PRKN: variants seen among roughly 807,000 people sequenced by gnomAD.
The protein encoded by PRKN is E3 ubiquitin-protein ligase parkin.
PRKN carries 56 observed loss-of-function variants against 59.5 expected under a neutral mutation model. The observed-to-expected ratio is 0.94, with a 90% CI of 0.76 to 1.18. PRKN has a LOEUF of 1.18. Among genes scored for constraint, PRKN ranks in the 50% most tolerant of loss-of-function variants. PRKN has a pLI of 0.00. For synonymous variants in PRKN, 250 were observed against 222.1 expected (o/e 1.13, Z -1.12); for missense variants, 657 against 596.4 (o/e 1.10, Z -1.06).
intron 5 of PRKN, among the ~76,000 whole-genome samples, chr6:162,036,208 C>G (rs1280493773): frequency 6.6e-6 from 1 of 151,508 alleles, no homozygotes; most frequent in Admixed American, 6.6e-5. Flanking sequence ...CCTGTAGTCC[C>G]AGCTACTCGG....
At chr6:162,215,968 G>A (rs1485366696) in intron 3 of PRKN, among the ~76,000 whole-genome samples, 1 of 151,960 alleles carries the variant, frequency 6.6e-6, no homozygotes, top group Non-Finnish European at 1.5e-5. Context: ...GCTTGAACCG[G>A]GACCCGGGAG....
At chr6:161,591,275 C>T (rs6940957) in intron 7 of PRKN, among the ~76,000 whole-genome samples, 107,062 of 152,066 alleles carry the variant, frequency 0.7, 39,092 homozygotes, top group African/African-American at 0.91. Flanking sequence ...TCTAAAATTA[C>T]GTCAAAATTA....
intron 7 of PRKN, among the ~76,000 whole-genome samples, chr6:161,681,921 C>A (rs1350401540): frequency 1.3e-5 from 2 of 152,278 alleles, no homozygotes; most frequent in South Asian, 2.1e-4. Flanking sequence ...GAGCAAAGGG[C>A]TCCTGCAGAT....
At chr6:162,706,450 A>G (rs1210887134) in intron 1 of PRKN, among the ~76,000 whole-genome samples, 1 of 152,238 alleles carries the variant, frequency 6.6e-6, no homozygotes, top group East Asian at 1.9e-4. Flanking sequence ...CTGCTATTTT[A>G]GCCTCTAAAC....
intron 1 of PRKN, among the ~76,000 whole-genome samples, chr6:162,580,632 A>C (rs1780755094): frequency 6.6e-6 from 1 of 152,090 alleles, no homozygotes; most frequent in East Asian, 1.9e-4. Context: ...AAAATATTTT[A>C]TGAAATTCAT....
At chr6:162,383,180 A>C (rs1227487023) in intron 2 of PRKN, among the ~76,000 whole-genome samples, 1 of 152,190 alleles carries the variant, frequency 6.6e-6, no homozygotes, top group Non-Finnish European at 1.5e-5. Context: ...AAATTTTCTT[A>C]ATGACATCTA....
chr6:162,650,776 T>C (rs1778399086), intron 1 of PRKN, among the ~76,000 whole-genome samples: 1 of 152,098 alleles, frequency 6.6e-6, no homozygotes, highest in African/African-American at 2.4e-5. Context: ...CTTTGTCCAT[T>C]CTCTTGGAGT....
intron 1 of PRKN, among the ~76,000 whole-genome samples, chr6:162,461,149 T>C (rs1473755293): frequency 6.6e-6 from 1 of 151,366 alleles, no homozygotes; most frequent in Non-Finnish European, 1.5e-5. Flanking sequence ...AAGAATATGA[T>C]ACATGCTATA....
chr6:162,523,003 A>T (rs980528196), intron 1 of PRKN, among the ~76,000 whole-genome samples: 1 of 152,178 alleles, frequency 6.6e-6, no homozygotes, highest in Non-Finnish European at 1.5e-5. Flanking sequence ...TATTACCAGC[A>T]TCGAAACCTT....
In PRKN at chr6:161,405,354, G is replaced by A. The variant is rs1165438622; in HGVS notation, c.1084-18477C>T. Among the ~76,000 whole-genome samples, 1 of 152,042 alleles carries A rather than the reference G, an allele frequency of 6.6e-6. No homozygotes were observed. The highest frequency in any genetic ancestry group is 1.9e-4 in the East Asian group (1 of 5,172). On this transcript the variant is annotated intron_variant, in intron 9 of 11. Coordinates refer to ENST00000366898, the MANE Select transcript of PRKN (RefSeq NM_004562.3). The surrounding 1 kb of genome is among the most constrained non-coding windows in gnomAD (Gnocchi z 5.1). Reference sequence around the variant, plus strand: ...GCACTTTGGGAGGCTGAGGCAGGTGGATCAATTGAGGTCAGGAGTTCGAGA... The same window carrying A: ...GCACTTTGGGAGGCTGAGGCAGGTGAATCAATTGAGGTCAGGAGTTCGAGA...
chr6:162,061,228 C>A (rs1778090009), intron 4 of PRKN, among the ~76,000 whole-genome samples: 1 of 152,106 alleles, frequency 6.6e-6, no homozygotes, highest in African/African-American at 2.4e-5. Context: ...ACAGAGTGTG[C>A]ATGAAGATTA....
intron 2 of PRKN, among the ~76,000 whole-genome samples, chr6:162,431,102 C>T (rs1228628938): frequency 6.6e-6 from 1 of 151,146 alleles, no homozygotes; most frequent in Non-Finnish European, 1.5e-5. Flanking sequence ...AGGGAAACTC[C>T]AAAGTGACAA....
chr6:161,771,745 T>C (rs946530294), intron 7 of PRKN, among the ~76,000 whole-genome samples: 2 of 152,244 alleles, frequency 1.3e-5, no homozygotes, highest in Non-Finnish European at 2.9e-5. Flanking sequence ...GGGTATTAGA[T>C]ATTTATGTTC....
chr6:161,988,182 A>G (rs559888145), intron 5 of PRKN, among the ~76,000 whole-genome samples: 1 of 150,946 alleles, frequency 6.6e-6, no homozygotes, highest in Non-Finnish European at 1.5e-5. Flanking sequence ...GGGAAAAAAA[A>G]TTTTTTTTTT....
chr6:161,516,186 G>A (rs371047490), intron 9 of PRKN, among the ~76,000 whole-genome samples: 5 of 152,030 alleles, frequency 3.3e-5, no homozygotes, highest in Non-Finnish European at 5.9e-5. Flanking sequence ...AGTGGCTCAC[G>A]CCTGTAATCC....
At chr6:162,216,125 G>A (rs1262211998) in intron 3 of PRKN, among the ~76,000 whole-genome samples, 1 of 152,178 alleles carries the variant, frequency 6.6e-6, no homozygotes, top group African/African-American at 2.4e-5. Context: ...AATAGCTGCA[G>A]CCACTATCTG....
At chr6:162,175,742 A>T (rs2128321192) in intron 4 of PRKN, among the ~76,000 whole-genome samples, 1 of 152,254 alleles carries the variant, frequency 6.6e-6, no homozygotes, top group South Asian at 2.1e-4. Context: ...ATACTGCTGG[A>T]ATAGCAAGAC....
rs139634887 is a variant in PRKN at position 161,688,556 on chromosome 6, C to T, written c.871+97216G>A. 4.7e-3 allele frequency among the ~76,000 whole-genome samples: 713 copies of T among 152,292 alleles called. 4 individuals are homozygous for T. Among genetic ancestry groups the T allele is most frequent in the Non-Finnish European group, 7.3e-3 (494 of 68,008 alleles). On this transcript the variant is annotated intron_variant, in intron 7 of 11. Coordinates refer to ENST00000366898, the MANE Select transcript of PRKN (RefSeq NM_004562.3). ...TGCTGCTACTAAAAACATGATTGCT[C>T]TTGTTTCCATGGGACTTTTCTTCTA...
intron 1 of PRKN, among the ~76,000 whole-genome samples, chr6:162,672,879 G>A (rs564638781): frequency 6.6e-6 from 1 of 152,052 alleles, no homozygotes; most frequent in Admixed American, 6.6e-5. Flanking sequence ...CATATCAAAT[G>A]TCTTGAAATG....
Sources: gnomAD v4.1 joint callset for allele counts (sites outside exome capture counted in the v4.1 genomes callset) on GRCh38, gnomAD v4.1.1 for gene constraint, Gnocchi (gnomAD v3.1) non-coding constraint, MANE v1.5 for transcripts, NCBI Gene and HGNC (gene_info 2026-07-23, HGNC 2026-07-21) for gene names.